Variants in TMTC4 observed in about 807,000 individuals in gnomAD.
The protein encoded by TMTC4 is protein O-mannosyl-transferase TMTC4.
Under a neutral mutation model 86.0 loss-of-function variants are expected in TMTC4, and 65 were observed. The ratio of observed to expected loss-of-function variants is 0.76; its 90% CI spans 0.62 to 0.93. TMTC4 has a LOEUF of 0.93. TMTC4 is among the 40% of genes least tolerant of loss of function. TMTC4 has a pLI of 0.00. For missense variants in TMTC4, 866 were observed against 948.1 expected, an observed-to-expected ratio of 0.91 and a Z score of 1.14; for synonymous variants, 379 against 382.5, an observed-to-expected ratio of 0.99 and a Z score of 0.11.
At chr13:100,655,242 C>T (rs1415361978) in intron 6 of TMTC4, among the ~76,000 whole-genome samples, 1 of 152,060 alleles carries the variant, frequency 6.6e-6, no homozygotes, top group Non-Finnish European at 1.5e-5. Context: ...ATGCTGGTCT[C>T]GAACTCCTGA....
Position 100,622,656 on chromosome 13 carries a change from A to T in TMTC4, c.1836+2879T>A, listed in dbSNP as rs137958477. 4.3e-4 allele frequency among the ~76,000 whole-genome samples: 66 copies of T among 152,294 alleles called. 1 individual carries two copies. In the East Asian group the frequency reaches 8.7e-3, roughly 20 times the overall value. On this transcript the variant is annotated intron_variant, in intron 15 of 18. Coordinates refer to ENST00000342624, the MANE Select transcript of TMTC4 (RefSeq NM_032813.5). ...TTGTGAGGCCTCCCCAGCCACATGGAACTGTGAGTCCATTAAACCTCTTTT... is the reference window on the plus strand; with the variant it reads ...TTGTGAGGCCTCCCCAGCCACATGGTACTGTGAGTCCATTAAACCTCTTTT...
chr13:100,625,848 A>G lies in TMTC4; in HGVS notation c.1631T>C (p.Ile544Thr), dbSNP rs1482433511. 3.1e-6 allele frequency: 5 copies of G among 1,613,688 alleles called. No homozygotes were observed. Among genetic ancestry groups the G allele is most frequent in the Admixed American group, 1.7e-5 (1 of 59,980 alleles). Residue 544 changes from isoleucine (I) to threonine (T), a missense_variant, in exon 14 of 19, where the codon ATC becomes ACC. Ile to Thr is a moderately conservative substitution (Grantham distance 89). Coordinates refer to ENST00000342624, the MANE Select transcript of TMTC4 (RefSeq NM_032813.5). ...YVHAMNNLGN[I>T]LKERNELQEA... ...CTGTAGCTCATTCCTTTCTTTTAAG[A>G]TATTTCCAAGATTATTCATGGCATG...
chr13:100,619,469 A>G (rs1357098377), intron 15 of TMTC4, among the ~76,000 whole-genome samples: 1 of 152,182 alleles, frequency 6.6e-6, no homozygotes, highest in Non-Finnish European at 1.5e-5. Context: ...TAACTCTGCA[A>G]AAAGTACAAA....
upstream of TMTC4, chr13:100,674,862 C>A (rs1452571734): frequency 2.1e-5 from 21 of 977,524 alleles, no homozygotes; most frequent in African/African-American, 1.2e-4. Context: ...CCGACCCCCC[C>A]CGCGCCGCGC....
chr13:100,645,376 G>A (rs1883585628), intron 6 of TMTC4, among the ~76,000 whole-genome samples: 1 of 152,182 alleles, frequency 6.6e-6, no homozygotes, highest in South Asian at 2.1e-4. Context: ...CTTATGCTGT[G>A]AAAAGCCAAA....
At chr13:100,637,477 G>A in intron 9 of TMTC4, 61 bp downstream of exon 9, 1 of 1,555,096 alleles carries the variant, frequency 6.4e-7, no homozygotes, top group Admixed American at 1.8e-5. Context: ...GGAGGGGTGA[G>A]GGATCTGGGA....
chr13:100,663,451 G>C (rs1473183387), intron 4 of TMTC4, among the ~76,000 whole-genome samples: 1 of 152,162 alleles, frequency 6.6e-6, no homozygotes, highest in Non-Finnish European at 1.5e-5. Flanking sequence ...GAGGAAAATC[G>C]AAAGGAAAGC....
chr13:100,656,475 A>G lies in TMTC4; in HGVS notation c.553-7T>C, dbSNP rs781592673. The G allele has an allele frequency of 6.3e-7, 1 of 1,599,892 alleles. No homozygotes were observed. The highest frequency in any genetic ancestry group is 2.2e-5 in the East Asian group (1 of 44,588). On this transcript the variant is annotated splice_polypyrimidine_tract_variant and splice_region_variant and intron_variant, in intron 5 of 18. Coordinates refer to ENST00000342624, the MANE Select transcript of TMTC4 (RefSeq NM_032813.5). ...GGCCGACAACACCAGCAACCTTAAAAAAGGGGGAAGAAAACAAAGAATTAC... is the reference window on the plus strand; with the variant it reads ...GGCCGACAACACCAGCAACCTTAAAGAAGGGGGAAGAAAACAAAGAATTAC...
intron 6 of TMTC4, among the ~76,000 whole-genome samples, chr13:100,655,743 G>A (rs1175646538): frequency 6.6e-6 from 1 of 152,064 alleles, no homozygotes; most frequent in African/African-American, 2.4e-5. Context: ...GAAAACCGAT[G>A]AGCGATGGGA....
At chr13:100,657,852 G>A (rs1206075251) in intron 5 of TMTC4, among the ~76,000 whole-genome samples, 4 of 152,148 alleles carry the variant, frequency 2.6e-5, no homozygotes, top group African/African-American at 7.2e-5. Flanking sequence ...CCCCTACATC[G>A]GTTATACACG....
At chr13:100,661,197 G>A (rs762426130) in intron 5 of TMTC4, among the ~76,000 whole-genome samples, 8 of 152,120 alleles carry the variant, frequency 5.3e-5, no homozygotes, top group Non-Finnish European at 1.0e-4. Context: ...GTCTGCCTCA[G>A]TTTCCTTTTA....
intron 12 of TMTC4, among the ~76,000 whole-genome samples, chr13:100,627,854 A>G (rs1880783601): frequency 6.6e-6 from 1 of 151,956 alleles, no homozygotes; most frequent in African/African-American, 2.4e-5. Context: ...AAGAGATGTG[A>G]GTGGGGGAGA....
At chr13:100,674,196 T>TCGCGC (rs1300133878) in intron 1 of TMTC4, 2 of 972,474 alleles carry the variant, frequency 2.1e-6, no homozygotes, top group African/African-American at 1.8e-5. Flanking sequence ...GGCCCCGCGC[T>TCGCGC]CGCGCCGCTC....
At chr13:100,621,531 T>C (rs1879472598) in intron 15 of TMTC4, among the ~76,000 whole-genome samples, 1 of 152,204 alleles carries the variant, frequency 6.6e-6, no homozygotes. Flanking sequence ...GTTCACGCCA[T>C]TCTCCTGCCT....
chr13:100,636,792 A>G, intron 9 of TMTC4, 58 bp from the exon 10 acceptor site: 1 of 1,568,204 alleles, frequency 6.4e-7, no homozygotes, highest in South Asian at 1.1e-5. Context: ...AAACACATAT[A>G]TACGCACTAA....
At chr13:100,656,697 C>G (rs1256012253) in intron 5 of TMTC4, among the ~76,000 whole-genome samples, 2 of 151,914 alleles carry the variant, frequency 1.3e-5, no homozygotes, top group Non-Finnish European at 2.9e-5. Context: ...GCGCACACCA[C>G]CACAGCTGGT....
intron 15 of TMTC4, among the ~76,000 whole-genome samples, chr13:100,622,807 A>G (rs1408211777): frequency 6.6e-6 from 1 of 152,108 alleles, no homozygotes; most frequent in Non-Finnish European, 1.5e-5. Flanking sequence ...TTTAAGTTTT[A>G]GCGTACATGT....
intron 9 of TMTC4, 109 bp downstream of exon 9, chr13:100,637,429 T>C: frequency 7.1e-7 from 1 of 1,398,738 alleles, no homozygotes; most frequent in Middle Eastern, 2.7e-4. Context: ...GCGCGTGTAT[T>C]GGGGATTTTG....
intron 4 of TMTC4, 21 bp from the exon 5 acceptor site, chr13:100,663,201 C>T: frequency 6.2e-7 from 1 of 1,611,910 alleles, no homozygotes; most frequent in Non-Finnish European, 8.5e-7. Flanking sequence ...ACAGGGTGTT[C>T]AGGGTACACG....
Sources: gnomAD v4.1 joint callset for allele counts (sites outside exome capture counted in the v4.1 genomes callset) on GRCh38, gnomAD v4.1.1 for gene constraint, MANE v1.5 for transcripts, NCBI Gene and HGNC (gene_info 2026-07-23, HGNC 2026-07-21) for gene names.